Variants in FANCD2OS observed in about 807,000 individuals in gnomAD.
FANCD2OS encodes the protein FANCD2 opposite strand.
A neutral mutation model predicts 13.2 loss-of-function variants in FANCD2OS; 11 were observed. The observed-to-expected ratio is 0.83, with a 90% CI of 0.52 to 1.38. The LOEUF (loss-of-function observed/expected upper bound fraction) is 1.38, where lower values mean the gene tolerates loss of function less well. Ranked by LOEUF, FANCD2OS falls within the 40% of genes most tolerant of loss-of-function variation. FANCD2OS has a pLI of 0.00. For missense variants in FANCD2OS, 217 were observed against 213.9 expected (o/e 1.01, Z -0.09); for synonymous variants, 69 against 84.5 (o/e 0.82, Z 1.01).
At chr3:10,102,293 G>A (rs1194364439), downstream of FANCD2OS, among the ~76,000 whole-genome samples, 1 of 151,812 alleles carries the variant, frequency 6.6e-6, no homozygotes, top group Admixed American at 6.6e-5. Flanking sequence ...ACAGGCACAC[G>A]CCACCATGCC....
chr3:10,092,349 C>T, intron 2 of FANCD2OS: 2 of 915,056 alleles, frequency 2.2e-6, no homozygotes, highest in Non-Finnish European at 3.6e-6. Context: ...TCTTCCCACT[C>T]TTCCTTGGGG....
intron 2 of FANCD2OS, chr3:10,092,346 A>G: frequency 1.1e-6 from 1 of 946,626 alleles, no homozygotes; most frequent in South Asian, 1.3e-5. Context: ...TCCTCTTCCC[A>G]CTCTTCCTTG....
chr3:10,101,690 G>A (rs1346711725), downstream of FANCD2OS: 1 of 273,162 alleles, frequency 3.7e-6, no homozygotes. Flanking sequence ...GCCATATTTT[G>A]TTCTTAAAGT....
chr3:10,088,787 C>G lies in FANCD2OS; in HGVS notation c.*44-7256G>C, dbSNP rs999879941. On this transcript the variant is annotated intron_variant, in intron 2 of 2. Transcript: ENST00000524279. ...TAGAGGAATCTGTAGTTGTATTCTA[C>G]TTTGTTAATTAGTGGGTCAAATATT... 3 of 1,608,832 alleles carry G rather than the reference C, an allele frequency of 1.9e-6. No individual in the cohort carries two copies. The African/African-American group carries it at 4.0e-5, about 22-fold the overall frequency.
intron 2 of FANCD2OS, among the ~76,000 whole-genome samples, chr3:10,095,526 A>G (rs1694901582): frequency 6.6e-6 from 1 of 152,216 alleles, no homozygotes; most frequent in East Asian, 1.9e-4. Context: ...GGTGACAGAA[A>G]TAGAATGCTG....
At chr3:10,087,956 T>C (rs1694324251) in intron 2 of FANCD2OS, among the ~76,000 whole-genome samples, 2 of 152,168 alleles carry the variant, frequency 1.3e-5, no homozygotes, top group Admixed American at 1.3e-4. Flanking sequence ...CCTGGCCTCT[T>C]TCTTAAACTG....
At chr3:10,086,064 T>G in intron 2 of FANCD2OS, 1 of 688,968 alleles carries the variant, frequency 1.5e-6, no homozygotes, top group Admixed American at 2.1e-5. Context: ...TATATGAGCT[T>G]TCTCATCTAT....
downstream of FANCD2OS, chr3:10,101,372 T>A: frequency 1.5e-6 from 1 of 652,918 alleles, no homozygotes; most frequent in Non-Finnish European, 2.7e-6. Context: ...TCCTTTTTTG[T>A]TCCTCTTTTT....
chr3:10,083,027 G>C (rs1474263546), intron 2 of FANCD2OS, among the ~76,000 whole-genome samples: 1 of 152,144 alleles, frequency 6.6e-6, no homozygotes, highest in Non-Finnish European at 1.5e-5. Flanking sequence ...AGGAGTTCGA[G>C]ACCAGCCTGG....
In FANCD2OS at chr3:10,081,389, T is replaced by A. The variant is rs751027444; in HGVS notation, c.*186A>T. 13 of 1,613,884 alleles carry A rather than the reference T, an allele frequency of 8.1e-6. No individual in the cohort carries two copies. The East Asian group carries it at 2.9e-4, about 36-fold the overall frequency. Reference sequence around the variant, plus strand: ...CACGGTGTAGTTGATGGACCAGGAGTGAAAGTTCAGGAGTACCACATAATG... The same window carrying A: ...CACGGTGTAGTTGATGGACCAGGAGAGAAAGTTCAGGAGTACCACATAATG... On this transcript the variant is annotated 3_prime_UTR_variant, in exon 3 of 3. Coordinates refer to the FANCD2OS transcript ENST00000524279.
chr3:10,087,656 CT>C (rs1221521355), intron 2 of FANCD2OS, among the ~76,000 whole-genome samples: 3 of 150,874 alleles, frequency 2.0e-5, no homozygotes, highest in Non-Finnish European at 4.4e-5. Flanking sequence ...TGGCCTTTTT[CT>C]TTTTTTTTGA....
downstream of FANCD2OS, among the ~76,000 whole-genome samples, chr3:10,103,406 A>AAAT (rs948616428): frequency 1.3e-5 from 2 of 152,230 alleles, no homozygotes; most frequent in East Asian, 1.9e-4. Context: ...CCATCTCAAA[A>AAAT]AATAATAATA....
chr3:10,092,392 C>T, intron 2 of FANCD2OS: 2 of 758,644 alleles, frequency 2.6e-6, no homozygotes, highest in African/African-American at 1.7e-5. Context: ...CTTCCTTTGT[C>T]CCCCTACCCA....
At chr3:10,105,762 AAAAAAAAAATTATATATATATAT>A (rs1441464400) in intron 1 of FANCD2OS, among the ~76,000 whole-genome samples, 2 of 75,070 alleles carry the variant, frequency 2.7e-5, no homozygotes, top group African/African-American at 2.5e-4. Flanking sequence ...AAAAAAAAAA[AAAAAAAAAATTATATATATATAT>A]ATATATATAT....
intron 2 of FANCD2OS, among the ~76,000 whole-genome samples, chr3:10,089,572 C>T (rs942579243): frequency 3.9e-5 from 6 of 152,158 alleles, no homozygotes; most frequent in Non-Finnish European, 7.4e-5. Context: ...TGGGTTCAAA[C>T]GATTCTCCTA....
At chr3:10,098,808 C>A (rs1031002548), downstream of FANCD2OS, 5 of 1,614,170 alleles carry the variant, frequency 3.1e-6, no homozygotes, top group Non-Finnish European at 4.2e-6. Context: ...AAGAGCAAAG[C>A]CACTGAGGTA....
intron 1 of FANCD2OS, among the ~76,000 whole-genome samples, chr3:10,105,918 A>C (rs1695486653): frequency 1.3e-5 from 2 of 150,590 alleles, no homozygotes; most frequent in Non-Finnish European, 3.0e-5. Flanking sequence ...TCAGACCAAC[A>C]GGAACAAACT....
intron 2 of FANCD2OS, among the ~76,000 whole-genome samples, chr3:10,086,382 C>T (rs1406845246): frequency 4.6e-5 from 7 of 152,164 alleles, no homozygotes; most frequent in Admixed American, 4.6e-4. Context: ...GCCCCCTCCC[C>T]CTTCAGTCAG....
At chr3:10,101,534 T>C (rs1695302185), downstream of FANCD2OS, 7 of 443,910 alleles carry the variant, frequency 1.6e-5, no homozygotes, top group South Asian at 1.4e-4. Context: ...GACAGGCACA[T>C]GCCACCATGC....
Sources: gnomAD v4.1 joint callset for allele counts (sites outside exome capture counted in the v4.1 genomes callset) on GRCh38, gnomAD v4.1.1 for gene constraint, MANE v1.5 for transcripts, NCBI Gene and HGNC (gene_info 2026-07-23, HGNC 2026-07-21) for gene names.